ENTHD1: variants seen among roughly 807,000 people sequenced by gnomAD.
ENTHD1 encodes the protein ENTH domain-containing protein 1.
In ENTHD1, 23 loss-of-function variants were observed where a neutral mutation model predicts 39.1. That is an observed-to-expected ratio of 0.59 (90% CI 0.42 to 0.83). ENTHD1 has a LOEUF of 0.83. ENTHD1 is among the 40% of genes least tolerant of loss of function. The probability of loss-of-function intolerance (pLI) is 0.00; values close to 1 mark genes in which losing one functional copy is unlikely to be tolerated. For missense variants in ENTHD1, 624 were observed against 705.4 expected, an observed-to-expected ratio of 0.88 and a Z score of 1.31; for synonymous variants, 230 against 258.2, an observed-to-expected ratio of 0.89 and a Z score of 1.05.
At chr22:39,813,238 T>C (rs1464585563) in intron 5 of ENTHD1, among the ~76,000 whole-genome samples, 1 of 152,106 alleles carries the variant, frequency 6.6e-6, no homozygotes, top group East Asian at 1.9e-4. Context: ...TAGTCCAGAG[T>C]ATAAAAAAGA....
intron 5 of ENTHD1, among the ~76,000 whole-genome samples, chr22:39,804,450 C>G (rs2065624562): frequency 7.5e-6 from 1 of 133,632 alleles, no homozygotes; most frequent in South Asian, 2.4e-4. Context: ...AAGACTCTGT[C>G]TCAAAAAAAA....
chr22:39,883,229 G>C (rs1294896881), intron 2 of ENTHD1, among the ~76,000 whole-genome samples: 2 of 151,510 alleles, frequency 1.3e-5, no homozygotes, highest in South Asian at 4.2e-4. Flanking sequence ...TTGCTCTCTT[G>C]GTGGTCATAA....
At chr22:39,799,315 C>G (rs1435268866) in intron 5 of ENTHD1, among the ~76,000 whole-genome samples, 1 of 152,198 alleles carries the variant, frequency 6.6e-6, no homozygotes, top group Non-Finnish European at 1.5e-5. Flanking sequence ...TGCACTATGG[C>G]TTGTTTTGTG....
intron 1 of ENTHD1, among the ~76,000 whole-genome samples, 170 bp from the exon 2 acceptor site, chr22:39,888,073 T>C (rs1388881018): frequency 6.6e-6 from 1 of 152,050 alleles, no homozygotes; most frequent in Non-Finnish European, 1.5e-5. Context: ...AAATCCCTCA[T>C]GAGAAATTGG....
chr22:39,786,862 G>A (rs1027706573), intron 5 of ENTHD1, among the ~76,000 whole-genome samples: 2 of 152,168 alleles, frequency 1.3e-5, no homozygotes, highest in Non-Finnish European at 2.9e-5. Flanking sequence ...TGTCACAAAT[G>A]ACAGGATTTT....
chr22:39,885,576 A>G (rs1360590874), intron 2 of ENTHD1, among the ~76,000 whole-genome samples: 1 of 152,184 alleles, frequency 6.6e-6, no homozygotes, highest in African/African-American at 2.4e-5. Flanking sequence ...AAAAGAAACA[A>G]CCCAAGAGTC....
intron 2 of ENTHD1, among the ~76,000 whole-genome samples, chr22:39,880,065 A>G (rs767607673): frequency 6.6e-6 from 1 of 152,214 alleles, no homozygotes; most frequent in Non-Finnish European, 1.5e-5. Context: ...CTGTCTCCAC[A>G]AAAAATTTTA....
intron 3 of ENTHD1, among the ~76,000 whole-genome samples, chr22:39,861,308 G>A (rs1401658765): frequency 6.6e-6 from 1 of 152,220 alleles, no homozygotes; most frequent in African/African-American, 2.4e-5. Context: ...CGGAGGCCAA[G>A]GCAGGAGGAT....
intron 5 of ENTHD1, among the ~76,000 whole-genome samples, chr22:39,775,840 T>G (rs1220609192): frequency 6.6e-6 from 1 of 152,174 alleles, no homozygotes; most frequent in Non-Finnish European, 1.5e-5. Flanking sequence ...GAAACTTTTC[T>G]GAAGTCCACA....
chr22:39,860,100 A>T (rs1350580994), intron 3 of ENTHD1, among the ~76,000 whole-genome samples: 1 of 152,182 alleles, frequency 6.6e-6, no homozygotes, highest in African/African-American at 2.4e-5. Flanking sequence ...TATGCTTGTG[A>T]CAGAGACATC....
intron 1 of ENTHD1, among the ~76,000 whole-genome samples, chr22:39,891,682 G>A (rs997087448): frequency 2.0e-5 from 3 of 149,898 alleles, no homozygotes; most frequent in South Asian, 2.1e-4. Flanking sequence ...GAAGTGGCAC[G>A]ATCTTGGCTC....
In ENTHD1 at chr22:39,819,955, C is replaced by G. The variant is rs181372998; in HGVS notation, c.832+1038G>C. 1.4e-3 allele frequency among the ~76,000 whole-genome samples: 216 copies of G among 152,318 alleles called. 1 individual carries two copies. Among genetic ancestry groups the G allele is most frequent in the African/African-American group, 4.9e-3 (204 of 41,570 alleles). On this transcript the variant is annotated intron_variant, in intron 5 of 6. Transcript: ENST00000325157. ...TCCTTAATGCTCTTCTTTCAAGCTT[C>G]TGGATCTAAATCTGTTTAAGAATAC...
chr22:39,779,936 A>G (rs1170617576), intron 5 of ENTHD1, among the ~76,000 whole-genome samples: 8 of 152,194 alleles, frequency 5.3e-5, no homozygotes, highest in Non-Finnish European at 1.0e-4. Flanking sequence ...GCAAAAACCT[A>G]TAATAGATTC....
chr22:39,822,576 T>G (rs1280235916), intron 4 of ENTHD1, among the ~76,000 whole-genome samples: 1 of 152,148 alleles, frequency 6.6e-6, no homozygotes, highest in Non-Finnish European at 1.5e-5. Context: ...GAGGGAGAGA[T>G]TGCACAAAAA....
At chr22:39,778,618 A>G (rs760000834) in intron 5 of ENTHD1, among the ~76,000 whole-genome samples, 42 of 152,250 alleles carry the variant, frequency 2.8e-4, no homozygotes, top group Non-Finnish European at 4.1e-4. Flanking sequence ...TAAATATTAC[A>G]GTATACCAGA....
chr22:39,745,299 C>A (rs769033244), intron 6 of ENTHD1, among the ~76,000 whole-genome samples: 9 of 152,074 alleles, frequency 5.9e-5, no homozygotes, highest in Admixed American at 1.3e-4. Flanking sequence ...TCTGAACTTA[C>A]TACTTAAAAA....
intron 5 of ENTHD1, among the ~76,000 whole-genome samples, chr22:39,811,807 G>A (rs1049665603): frequency 3.3e-5 from 5 of 151,832 alleles, no homozygotes; most frequent in Admixed American, 2.0e-4. Flanking sequence ...GTGCAACCCC[G>A]TCTCTACTAA....
intron 5 of ENTHD1, among the ~76,000 whole-genome samples, chr22:39,799,305 T>C (rs2065579109): frequency 6.6e-6 from 1 of 152,204 alleles, no homozygotes; most frequent in East Asian, 1.9e-4. Flanking sequence ...CTAAGGAGCA[T>C]GCACTATGGC....
intron 6 of ENTHD1, among the ~76,000 whole-genome samples, chr22:39,758,536 C>T (rs1223266992): frequency 6.6e-6 from 1 of 152,120 alleles, no homozygotes; most frequent in East Asian, 1.9e-4. Flanking sequence ...GTGACCTTCC[C>T]ACCTCAGCCT....
Sources: gnomAD v4.1 joint callset for allele counts (sites outside exome capture counted in the v4.1 genomes callset) on GRCh38, gnomAD v4.1.1 for gene constraint, MANE v1.5 for transcripts, NCBI Gene and HGNC (gene_info 2026-07-23, HGNC 2026-07-21) for gene names.